Variants in VIPAS39 observed in about 807,000 individuals in gnomAD.
VIPAS39 encodes the protein VPS33B interacting protein, apical-basolateral polarity regulator, spe-39 homolog.
VIPAS39 carries 63 observed loss-of-function variants against 84.7 expected under a neutral mutation model. That is an observed-to-expected ratio of 0.74 (90% CI 0.61 to 0.92). The LOEUF is 0.92. Among genes scored for constraint, VIPAS39 ranks in the 40% least tolerant of loss-of-function variants. VIPAS39 has a pLI of 0.00. For missense variants in VIPAS39, 499 were observed against 604.5 expected, an observed-to-expected ratio of 0.83 and a Z score of 1.83; for synonymous variants, 192 against 216.5, an observed-to-expected ratio of 0.89 and a Z score of 0.99.
At chr14:77,456,176 G>C (rs116452292) in intron 1 of VIPAS39, among the ~76,000 whole-genome samples, 1 of 152,062 alleles carries the variant, frequency 6.6e-6, no homozygotes, top group African/African-American at 2.4e-5. Flanking sequence ...TCTGTTAAAT[G>C]GGCATAACAG....
intron 9 of VIPAS39, 113 bp from the exon 10 acceptor site, chr14:77,442,775 G>T: frequency 2.0e-6 from 2 of 989,442 alleles, no homozygotes; most frequent in Non-Finnish European, 3.2e-6. Flanking sequence ...CCTAACAAAA[G>T]CTAAGAATGG....
Position 77,437,779 on chromosome 14 carries a change from A to G in VIPAS39, c.836+29T>C, listed in dbSNP as rs750169835. ...ATTCCTTCTGGGTAAAGGTATTTAT[A>G]CTTAAAATCATTTTTCCCCCATACT... On this transcript the variant is annotated intron_variant, in intron 12 of 19. Coordinates refer to ENST00000557658, the MANE Select transcript of VIPAS39 (RefSeq NM_001193315.2). 7 of 1,604,950 alleles carry G rather than the reference A, an allele frequency of 4.4e-6. No individual in the cohort carries two copies. The South Asian group carries it at 4.4e-5, about 10-fold the overall frequency.
chr14:77,445,099 T>C (rs1366983471), intron 7 of VIPAS39, among the ~76,000 whole-genome samples: 6 of 151,548 alleles, frequency 4.0e-5, no homozygotes, highest in Admixed American at 1.3e-4. Context: ...GCTGGGACTA[T>C]GGGCACCTGC....
intron 4 of VIPAS39, among the ~76,000 whole-genome samples, chr14:77,450,408 T>C (rs1182369699): frequency 6.6e-6 from 1 of 152,236 alleles, no homozygotes; most frequent in South Asian, 2.1e-4. Flanking sequence ...TTTTGGCTAT[T>C]GTGAATAATG....
At chr14:77,438,859 A>G (rs1397108632) in intron 11 of VIPAS39, among the ~76,000 whole-genome samples, 3 of 152,218 alleles carry the variant, frequency 2.0e-5, no homozygotes, top group African/African-American at 7.2e-5. Context: ...GAGCCAACAG[A>G]TGTATACAAA....
At chr14:77,453,689 AAAAT>A (rs1195736638) in intron 2 of VIPAS39, among the ~76,000 whole-genome samples, 1 of 152,188 alleles carries the variant, frequency 6.6e-6, no homozygotes, top group African/African-American at 2.4e-5. Context: ...CACCTCTCTA[AAAAT>A]AAATGATTCC....
intron 2 of VIPAS39, among the ~76,000 whole-genome samples, chr14:77,453,697 T>A (rs568141551): frequency 6.6e-6 from 1 of 152,278 alleles, no homozygotes; most frequent in South Asian, 2.1e-4. Context: ...TAAAAATAAA[T>A]GATTCCTCAA....
chr14:77,440,782 G>GA (rs1258343258), intron 11 of VIPAS39, among the ~76,000 whole-genome samples: 1 of 152,120 alleles, frequency 6.6e-6, no homozygotes, highest in African/African-American at 2.4e-5. Context: ...GCAATGGCAC[G>GA]ATCTCAGATC....
Position 77,449,611 on chromosome 14 carries a change from A to C in VIPAS39, c.382+103T>G, listed in dbSNP as rs2078850931. On this transcript the variant is annotated intron_variant, in intron 5 of 19. Transcript: ENST00000557658. Reference sequence around the variant, plus strand: ...TAATAATGACAGTAGATGCAGAAGAAAGTTCATCTTGTCATCTAATTACTA... The same window carrying C: ...TAATAATGACAGTAGATGCAGAAGACAGTTCATCTTGTCATCTAATTACTA... The C allele has an allele frequency of 2.5e-5, 36 of 1,466,778 alleles. 2 individuals carry two copies. In the South Asian group the frequency reaches 3.9e-4, roughly 16 times the overall value. The allele number at this position is 1,466,778 out of a possible 1,614,324, so 90.9% of individuals were successfully genotyped here.
At chr14:77,429,814 A>C in intron 16 of VIPAS39, 47 bp from the exon 17 acceptor site, 1 of 1,516,162 alleles carries the variant, frequency 6.6e-7, no homozygotes, top group Non-Finnish European at 9.2e-7. Flanking sequence ...GGCACACTCA[A>C]CACATTCTAG....
At chr14:77,449,503 C>A in intron 5 of VIPAS39, 146 bp from the exon 6 acceptor site, 1 of 1,269,476 alleles carries the variant, frequency 7.9e-7, no homozygotes, top group Non-Finnish European at 1.1e-6. Flanking sequence ...CGTTCTTCCC[C>A]AAAGACAGCA....
intron 19 of VIPAS39, among the ~76,000 whole-genome samples, chr14:77,427,900 A>T (rs1269455818): frequency 6.6e-6 from 1 of 152,206 alleles, no homozygotes; most frequent in Non-Finnish European, 1.5e-5. Flanking sequence ...CAAAATACCT[A>T]ACAGGGAACT....
chr14:77,433,719 T>C (rs2078560823), intron 16 of VIPAS39, 123 bp downstream of exon 16: 3 of 868,678 alleles, frequency 3.5e-6, no homozygotes, highest in Non-Finnish European at 5.4e-6. Flanking sequence ...AACTTTTCTT[T>C]AGGTTTGAAA....
At chr14:77,435,716 G>A in intron 13 of VIPAS39, 128 bp downstream of exon 13, 2 of 1,075,850 alleles carry the variant, frequency 1.9e-6, no homozygotes, top group Non-Finnish European at 1.4e-6. Flanking sequence ...TTGTGTACAG[G>A]CAGAAAATGA....
intron 3 of VIPAS39, among the ~76,000 whole-genome samples, chr14:77,452,742 T>G (rs2078901093): frequency 1.5e-5 from 2 of 135,376 alleles, no homozygotes; most frequent in South Asian, 2.4e-4. Flanking sequence ...ATCGCGCCAT[T>G]GCACTCCAGA....
intron 7 of VIPAS39, among the ~76,000 whole-genome samples, chr14:77,447,814 C>A (rs576160685): frequency 1.6e-3 from 251 of 152,192 alleles, no homozygotes; most frequent in Non-Finnish European, 2.9e-3. Context: ...GTGCACGCCA[C>A]CACGCCCGCC....
At chr14:77,449,585 CTAA>C in intron 5 of VIPAS39, 126 bp downstream of exon 5, 1 of 1,379,576 alleles carries the variant, frequency 7.2e-7, no homozygotes, top group Non-Finnish European at 1.0e-6. Flanking sequence ...GAAAATTCCT[CTAA>C]TAATGACAGT....
chr14:77,444,162 A>T, intron 8 of VIPAS39, 87 bp downstream of exon 8: 3 of 1,312,770 alleles, frequency 2.3e-6, no homozygotes, highest in Non-Finnish European at 3.2e-6. Context: ...CTTAACATTT[A>T]ACACAAAATG....
chr14:77,454,820 A>G (rs540246065), intron 1 of VIPAS39, among the ~76,000 whole-genome samples: 1 of 152,352 alleles, frequency 6.6e-6, no homozygotes, highest in East Asian at 1.9e-4. Context: ...CACAAGGAAG[A>G]GCAATCAGAA....
Sources: allele counts gnomAD v4.1 joint callset (sites outside exome capture counted in the v4.1 genomes callset), GRCh38; gene constraint gnomAD v4.1.1; transcripts MANE v1.5; gene names NCBI Gene and HGNC (gene_info 2026-07-23, HGNC 2026-07-21).